CCDC178: variants seen among roughly 807,000 people sequenced by gnomAD.
The protein encoded by CCDC178 is coiled-coil domain containing 178.
Under a neutral mutation model 117.4 loss-of-function variants are expected in CCDC178, and 126 were observed. The ratio of observed to expected loss-of-function variants is 1.07; its 90% CI spans 0.93 to 1.24. CCDC178 has a LOEUF of 1.24. Ranked by LOEUF, CCDC178 falls within the 50% of genes most tolerant of loss-of-function variation. The pLI is 0.00. For missense variants in CCDC178, 1,030 were observed against 986.9 expected, an observed-to-expected ratio of 1.04 and a Z score of -0.59; for synonymous variants, 283 against 313.4, an observed-to-expected ratio of 0.90 and a Z score of 1.02.
chr18:32,974,165 G>A (rs1332107248), intron 22 of CCDC178, among the ~76,000 whole-genome samples: 1 of 152,084 alleles, frequency 6.6e-6, no homozygotes, highest in East Asian at 1.9e-4. Flanking sequence ...GTTAAACTAA[G>A]TAAACATAAG....
intron 15 of CCDC178, among the ~76,000 whole-genome samples, chr18:33,239,793 C>A (rs1468973547): frequency 1.3e-5 from 2 of 151,672 alleles, no homozygotes; most frequent in Admixed American, 6.6e-5. Flanking sequence ...CAGCACTGGA[C>A]AGACCACCTA....
chr18:33,232,279 G>C lies in CCDC178; in HGVS notation c.1594-5424C>G, dbSNP rs191658973. Among the ~76,000 whole-genome samples, 896 of 152,166 alleles carry C rather than the reference G, an allele frequency of 5.9e-3. 7 individuals carry two copies. The highest frequency in any genetic ancestry group is 0.023 in the South Asian group (112 of 4,826). ...GTACTAGGACAAAAGATAGCTGAAA[G>C]GAGGACAAACAGTCAATACTGAGTC... On this transcript the variant is annotated intron_variant, in intron 15 of 22. Transcript: ENST00000383096.
intron 9 of CCDC178, among the ~76,000 whole-genome samples, chr18:33,335,278 T>C (rs2062724291): frequency 6.6e-6 from 1 of 152,038 alleles, no homozygotes; most frequent in Admixed American, 6.6e-5. Flanking sequence ...ATGACTTGGA[T>C]TTTTCCCATA....
intron 22 of CCDC178, among the ~76,000 whole-genome samples, chr18:32,973,858 G>A (rs545119591): frequency 6.6e-6 from 1 of 152,038 alleles, no homozygotes; most frequent in East Asian, 1.9e-4. Flanking sequence ...GTTTTTCTTT[G>A]GGAGGTCATG....
chr18:33,153,029 A>AG lies in CCDC178; in HGVS notation c.2238+58866_2238+58867insC, dbSNP rs2058357758. Among the ~76,000 whole-genome samples the AG allele has an allele frequency of 9.3e-5, 14 of 150,416 alleles. No homozygotes were observed. In the South Asian group the frequency reaches 3.0e-3, roughly 32 times the overall value. On this transcript the variant is annotated intron_variant, in intron 20 of 22. Transcript: ENST00000383096. Reference sequence around the variant, plus strand: ...TCATTTTAGACTTGTGAAAAAAAAAACAGGCAAAGAAACACAAAGAGGCAA... The same window carrying AG: ...TCATTTTAGACTTGTGAAAAAAAAAAGCAGGCAAAGAAACACAAAGAGGCAA...
At chr18:33,432,256 G>T (rs1350088770) in intron 2 of CCDC178, among the ~76,000 whole-genome samples, 1 of 152,136 alleles carries the variant, frequency 6.6e-6, no homozygotes, top group African/African-American at 2.4e-5. Context: ...AGGCACCACA[G>T]AATTGGAATT....
At chr18:33,270,502 G>C (rs537105043) in intron 12 of CCDC178, among the ~76,000 whole-genome samples, 1 of 151,628 alleles carries the variant, frequency 6.6e-6, no homozygotes, top group South Asian at 2.1e-4. Flanking sequence ...CAAGAGAAAA[G>C]TGACACTTCA....
chr18:33,130,266 T>C (rs569024890), intron 20 of CCDC178, among the ~76,000 whole-genome samples: 10 of 152,016 alleles, frequency 6.6e-5, no homozygotes, highest in Non-Finnish European at 1.3e-4. Flanking sequence ...TTTTGGAATA[T>C]ATCTTTTAAC....
chr18:33,216,064 C>A (rs1472158160), intron 18 of CCDC178, among the ~76,000 whole-genome samples: 7 of 151,992 alleles, frequency 4.6e-5, no homozygotes, highest in Non-Finnish European at 1.0e-4. Context: ...CTCCACTGCA[C>A]TCCAGCCCAG....
At chr18:33,338,698 A>G (rs1304860842) in intron 9 of CCDC178, among the ~76,000 whole-genome samples, 2 of 152,138 alleles carry the variant, frequency 1.3e-5, no homozygotes, top group Non-Finnish European at 2.9e-5. Flanking sequence ...CTAAGATATG[A>G]GGACTCAAAG....
intron 6 of CCDC178, among the ~76,000 whole-genome samples, chr18:33,364,776 TAGA>T (rs1649899203): frequency 7.4e-6 from 1 of 136,048 alleles, no homozygotes; most frequent in Non-Finnish European, 1.5e-5. Context: ...AGCTGTAAGG[TAGA>T]AGATTTAGAG....
chr18:32,974,746 C>G lies in CCDC178; in HGVS notation c.2389-65G>C, dbSNP rs533623752. On this transcript the variant is annotated intron_variant, in intron 21 of 22. Transcript: ENST00000383096. ...AGGAGAGGAAATTAATGGCAGTGTTCAAGAAGAATGATGGAGGGAAATATA... is the reference window on the plus strand; with the variant it reads ...AGGAGAGGAAATTAATGGCAGTGTTGAAGAAGAATGATGGAGGGAAATATA... 8.0e-6 allele frequency: 12 copies of G among 1,502,230 alleles called. No individual in the cohort carries two copies. In the Admixed American group the frequency reaches 2.1e-4, roughly 26 times the overall value. 93.1% of individuals were successfully genotyped at this position (1,502,230 alleles called of 1,614,324 possible).
intron 15 of CCDC178, among the ~76,000 whole-genome samples, chr18:33,241,045 T>A: frequency 6.6e-6 from 1 of 151,846 alleles, no homozygotes; most frequent in East Asian, 1.9e-4. Flanking sequence ...GTTCAACACA[T>A]GTAAATTAAT....
chr18:33,365,014 C>T (rs1430493716), intron 6 of CCDC178, among the ~76,000 whole-genome samples: 1 of 151,662 alleles, frequency 6.6e-6, no homozygotes, highest in Non-Finnish European at 1.5e-5. Context: ...TTTTGTCAGA[C>T]TAGAAGGATG....
chr18:33,359,673 T>A (rs1355519136), intron 6 of CCDC178, among the ~76,000 whole-genome samples: 1 of 151,676 alleles, frequency 6.6e-6, no homozygotes, highest in East Asian at 1.9e-4. Flanking sequence ...GATGCTTCGA[T>A]GAAAATACCT....
intron 22 of CCDC178, among the ~76,000 whole-genome samples, chr18:32,971,534 T>C (rs1168951701): frequency 3.3e-5 from 5 of 152,194 alleles, no homozygotes; most frequent in Non-Finnish European, 5.9e-5. Flanking sequence ...TTTGGGTATA[T>C]ACCCAGTAAT....
At chr18:33,075,439 G>T (rs2057187459) in intron 21 of CCDC178, among the ~76,000 whole-genome samples, 1 of 152,014 alleles carries the variant, frequency 6.6e-6, no homozygotes, top group Non-Finnish European at 1.5e-5. Context: ...GTACCACAAA[G>T]GTAAATGCTT....
At chr18:33,051,427 A>T (rs1004268732) in intron 21 of CCDC178, among the ~76,000 whole-genome samples, 1 of 152,236 alleles carries the variant, frequency 6.6e-6, no homozygotes, top group Non-Finnish European at 1.5e-5. Context: ...TAAAGACAGA[A>T]AAATAAAGCC....
intron 4 of CCDC178, among the ~76,000 whole-genome samples, chr18:33,394,003 T>C (rs1240095231): frequency 6.6e-6 from 1 of 151,988 alleles, no homozygotes; most frequent in Non-Finnish European, 1.5e-5. Flanking sequence ...GTTAGAAAAT[T>C]TTTTTTCACA....
Sources: gnomAD v4.1 joint callset for allele counts (sites outside exome capture counted in the v4.1 genomes callset) on GRCh38, gnomAD v4.1.1 for gene constraint, MANE v1.5 for transcripts, NCBI Gene and HGNC (gene_info 2026-07-23, HGNC 2026-07-21) for gene names.